STPG2: variants seen among roughly 807,000 people sequenced by gnomAD.
The protein encoded by STPG2 is sperm tail PG-rich repeat containing 2.
Under a neutral mutation model 54.2 loss-of-function variants are expected in STPG2, and 56 were observed. That is an observed-to-expected ratio of 1.03 (90% confidence interval 0.83 to 1.29). The LOEUF is 1.29. Among genes scored for constraint, STPG2 ranks in the 50% most tolerant of loss-of-function variants. STPG2 has a pLI of 0.00. For synonymous variants in STPG2, 200 were observed against 181.8 expected, an observed-to-expected ratio of 1.10 and a Z score of -0.81; for missense variants, 596 against 544.9, an observed-to-expected ratio of 1.09 and a Z score of -0.93.
intron 3 of STPG2, among the ~76,000 whole-genome samples, chr4:98,119,574 G>A (rs2865957): frequency 0.39 from 59,124 of 151,238 alleles, 11,704 homozygotes; most frequent in Middle Eastern, 0.45. Context: ...CCCTGATTTT[G>A]ATAACTGCAT....
intron 8 of STPG2, among the ~76,000 whole-genome samples, chr4:97,881,269 C>T (rs529717619): frequency 1.3e-5 from 2 of 152,162 alleles, no homozygotes; most frequent in African/African-American, 4.8e-5. Context: ...ACAAGAAATC[C>T]TTTTCCAATA....
intron 7 of STPG2, among the ~76,000 whole-genome samples, chr4:97,951,456 T>C (rs1287532215): frequency 6.6e-6 from 1 of 152,198 alleles, no homozygotes; most frequent in Non-Finnish European, 1.5e-5. Flanking sequence ...CTATTTCTTC[T>C]AATTATTCTT....
chr4:97,644,537 C>A (rs761742070), intron 10 of STPG2, among the ~76,000 whole-genome samples: 4 of 151,968 alleles, frequency 2.6e-5, no homozygotes, highest in Non-Finnish European at 4.4e-5. Context: ...AATGACTTGA[C>A]GTGTCCTACC....
intron 5 of STPG2, among the ~76,000 whole-genome samples, chr4:98,024,017 G>A (rs145250686): frequency 2.4e-4 from 36 of 152,094 alleles, no homozygotes; most frequent in African/African-American, 8.0e-4. Flanking sequence ...TTCGGCCTGC[G>A]CACAGTTCGC....
intron 4 of STPG2, among the ~76,000 whole-genome samples, chr4:97,538,346 A>G (rs1731592943): frequency 6.6e-6 from 1 of 152,246 alleles, no homozygotes; most frequent in Admixed American, 6.5e-5. Flanking sequence ...AACTCCTTAA[A>G]TAACCTAATG....
chr4:97,765,644 T>A (rs1303443756), intron 9 of STPG2, among the ~76,000 whole-genome samples: 1 of 152,152 alleles, frequency 6.6e-6, no homozygotes, highest in African/African-American at 2.4e-5. Flanking sequence ...TTTATGTGAA[T>A]GAGAATAAAT....
At chr4:97,536,901 C>T (rs764903934) in intron 4 of STPG2, among the ~76,000 whole-genome samples, 2 of 152,196 alleles carry the variant, frequency 1.3e-5, no homozygotes, top group African/African-American at 2.4e-5. Context: ...TTCAACTTCT[C>T]TTCTGAGGAC....
intron 5 of STPG2, among the ~76,000 whole-genome samples, chr4:98,072,250 T>A (rs1235568249): frequency 6.6e-6 from 1 of 152,166 alleles, no homozygotes; most frequent in East Asian, 1.9e-4. Flanking sequence ...CAAGATTATG[T>A]CCTTTGCGGG....
rs200403863 is a variant in STPG2 at position 97,845,240 on chromosome 4, C to T, written c.1045-4308G>A. On this transcript the variant is annotated intron_variant, in intron 8 of 10. Transcript: ENST00000295268. ...TTAATGAGATTTGTTGTCCATTTCA[C>T]CTAAGTTTTCAAATTTCAAACTTGT... Among the ~76,000 whole-genome samples, 12 of 151,840 alleles carry T rather than the reference C, an allele frequency of 7.9e-5. No homozygotes were observed. In the East Asian group the frequency reaches 1.7e-3, roughly 22 times the overall value.
chr4:97,754,402 T>C (rs1483785804), intron 9 of STPG2, among the ~76,000 whole-genome samples: 1 of 152,150 alleles, frequency 6.6e-6, no homozygotes, highest in Non-Finnish European at 1.5e-5. Flanking sequence ...TTTTTCTGTC[T>C]ATAAAGCCAA....
At chr4:97,484,246 C>G (rs1553932612) in intron 4 of STPG2, among the ~76,000 whole-genome samples, 1 of 150,770 alleles carries the variant, frequency 6.6e-6, no homozygotes, top group Non-Finnish European at 1.5e-5. Flanking sequence ...TAAATTGAAA[C>G]AAAAAAATAC....
chr4:97,477,554 G>A (rs1730105251), intron 4 of STPG2, among the ~76,000 whole-genome samples: 1 of 145,290 alleles, frequency 6.9e-6, no homozygotes, highest in South Asian at 2.1e-4. Context: ...TCGGCTCACT[G>A]CAAGCTCCGC....
At chr4:97,543,371 T>C (rs1050854044) in intron 4 of STPG2, among the ~76,000 whole-genome samples, 19 of 151,866 alleles carry the variant, frequency 1.3e-4, no homozygotes, top group Non-Finnish European at 2.6e-4. Context: ...CATAAGTCTA[T>C]GGAGTCAATT....
intron 4 of STPG2, among the ~76,000 whole-genome samples, chr4:97,459,643 A>G (rs1171150412): frequency 1.3e-5 from 2 of 151,730 alleles, no homozygotes; most frequent in African/African-American, 2.4e-5. Flanking sequence ...GGGTTTCACC[A>G]TGTTAGCCAG....
chr4:97,830,042 C>A (rs1202681749), intron 9 of STPG2, among the ~76,000 whole-genome samples: 1 of 151,958 alleles, frequency 6.6e-6, no homozygotes, highest in Non-Finnish European at 1.5e-5. Context: ...AGATACTACT[C>A]GAGAAGAGAA....
chr4:97,912,238 A>C lies in STPG2; in HGVS notation c.1044+31659T>G, dbSNP rs182903384. Among the ~76,000 whole-genome samples, 203 of 152,304 alleles carry C rather than the reference A, an allele frequency of 1.3e-3. 6 individuals are homozygous for C. In the East Asian group the frequency reaches 0.038, roughly 29 times the overall value. On this transcript the variant is annotated intron_variant, in intron 8 of 10. Transcript: ENST00000295268. ...AAAAAATCAACACAAAAACACTGAA[A>C]AGTCAAAAAACTACAGCGCCTATTC... is the stretch of plus-strand genomic sequence containing the variant.
intron 4 of STPG2, among the ~76,000 whole-genome samples, chr4:97,481,766 A>G (rs865819060): frequency 6.6e-6 from 1 of 151,446 alleles, no homozygotes; most frequent in Non-Finnish European, 1.5e-5. Context: ...ATTTTTCCAC[A>G]TAGACTTTTA....
chr4:97,953,022 C>T (rs1733531882), intron 7 of STPG2, among the ~76,000 whole-genome samples: 1 of 152,102 alleles, frequency 6.6e-6, no homozygotes, highest in South Asian at 2.1e-4. Context: ...ACTGTGGTTT[C>T]TCAGGTGACG....
intron 2 of STPG2, among the ~76,000 whole-genome samples, chr4:98,129,095 C>A (rs543868494): frequency 6.6e-6 from 1 of 152,152 alleles, no homozygotes; most frequent in African/African-American, 2.4e-5. Context: ...CACCTTTAAA[C>A]CAAGAGAATG....
Sources: allele counts gnomAD v4.1 joint callset (sites outside exome capture counted in the v4.1 genomes callset), GRCh38; gene constraint gnomAD v4.1.1; transcripts MANE v1.5; gene names NCBI Gene and HGNC (gene_info 2026-07-23, HGNC 2026-07-21).